B3GLCT: variants seen among roughly 807,000 people sequenced by gnomAD.
B3GLCT encodes the protein beta-1,3-glucosyltransferase.
Under a neutral mutation model 63.4 loss-of-function variants are expected in B3GLCT, and 65 were observed. That is an observed-to-expected ratio of 1.03 (90% CI 0.84 to 1.26). The LOEUF (loss-of-function observed/expected upper bound fraction) is 1.26. B3GLCT is among the 50% of genes most tolerant of loss of function. B3GLCT has a pLI of 0.00. For synonymous variants in B3GLCT, 233 were observed against 219.2 expected (o/e 1.06, Z -0.55); for missense variants, 577 against 604.8 (o/e 0.95, Z 0.48).
intron 14 of B3GLCT, among the ~76,000 whole-genome samples, chr13:31,324,177 CTT>C (rs1382742863): frequency 1.3e-5 from 2 of 152,116 alleles, no homozygotes; most frequent in African/African-American, 4.8e-5. Flanking sequence ...TTTGGTTTAT[CTT>C]TTTAGTTAAA....
At chr13:31,229,369 C>T (rs1870259604) in intron 4 of B3GLCT, 75 bp downstream of exon 4, 1 of 892,048 alleles carries the variant, frequency 1.1e-6, no homozygotes, top group Non-Finnish European at 1.9e-6. Flanking sequence ...AACACTGGAT[C>T]CGTGGAGAAT....
chr13:31,266,523 AC>A (rs1170374250), intron 7 of B3GLCT, among the ~76,000 whole-genome samples: 1 of 152,192 alleles, frequency 6.6e-6, no homozygotes, highest in Non-Finnish European at 1.5e-5. Context: ...AAATCCAGTT[AC>A]CACTATTAGG....
chr13:31,245,010 G>T (rs1164070658), intron 4 of B3GLCT, among the ~76,000 whole-genome samples: 1 of 152,022 alleles, frequency 6.6e-6, no homozygotes, highest in Non-Finnish European at 1.5e-5. Context: ...GACTGATCTT[G>T]TGTTCACAAA....
In B3GLCT at chr13:31,323,804, G is replaced by A. The variant is rs1440081950; in HGVS notation, c.1238G>A (p.Cys413Tyr). 1 of 1,614,146 alleles carries A rather than the reference G, an allele frequency of 6.2e-7. No homozygotes were observed. The highest frequency in any genetic ancestry group is 8.5e-7 in the Non-Finnish European group (1 of 1,180,000). Residue 413 changes from cysteine (C) to tyrosine (Y), a missense_variant, in exon 14 of 15, where the codon TGC becomes TAC. Coordinates refer to ENST00000343307, the MANE Select transcript of B3GLCT (RefSeq NM_194318.4). ...VRRLLASKCR[C>Y]YSNDAPDDMV... ...AGACTTCTCGCCAGTAAATGTCGAT[G>A]CTACAGCAATGATGCTCCCGATGAT...
intron 3 of B3GLCT, among the ~76,000 whole-genome samples, chr13:31,223,266 A>T (rs1266285044): frequency 1.3e-5 from 2 of 152,182 alleles, no homozygotes; most frequent in African/African-American, 2.4e-5. Flanking sequence ...TCCAGTAAGG[A>T]TAAAGCACCA....
chr13:31,269,590 A>T (rs1415683542), intron 8 of B3GLCT, among the ~76,000 whole-genome samples: 2 of 152,026 alleles, frequency 1.3e-5, no homozygotes, highest in African/African-American at 4.8e-5. Flanking sequence ...CTCTGCTCTT[A>T]CTTGATGCTT....
At chr13:31,327,120 G>C (rs1475272045) in intron 14 of B3GLCT, among the ~76,000 whole-genome samples, 1 of 152,120 alleles carries the variant, frequency 6.6e-6, no homozygotes, top group African/African-American at 2.4e-5. Flanking sequence ...TGAACCCTAC[G>C]TATACTATGT....
At chr13:31,269,176 T>C in intron 7 of B3GLCT, 38 bp from the exon 8 acceptor site, 1 of 1,444,670 alleles carries the variant, frequency 6.9e-7, no homozygotes, top group Non-Finnish European at 9.7e-7. Context: ...TTGACACTTC[T>C]TTTGGTTAAA....
Position 31,199,994 on chromosome 13 carries a change from C to A in B3GLCT, c.-91C>A. On this transcript the variant is annotated 5_prime_UTR_variant, in exon 1 of 15. Transcript: ENST00000343307. ...GCCGGCAGAGAAGGGTCAGCCGCGG[C>A]GGCAGGGCGGCGGCGGCAGCGGCGC... The A allele has an allele frequency of 1.3e-6, 1 of 740,922 alleles. No homozygotes were observed. Among genetic ancestry groups the A allele is most frequent in the Non-Finnish European group, 1.8e-6 (1 of 561,182 alleles). 45.9% of individuals were successfully genotyped at this position (740,922 alleles called of 1,614,324 possible). A position where few individuals can be genotyped will look rare whatever the true frequency, so the allele number is the denominator to read the frequency against.
chr13:31,317,433 A>T, intron 12 of B3GLCT, 133 bp from the exon 13 acceptor site: 1 of 1,031,948 alleles, frequency 9.7e-7, no homozygotes, highest in Non-Finnish European at 1.5e-6. Flanking sequence ...TTTATAAGTC[A>T]CTCAAATTTC....
intron 6 of B3GLCT, among the ~76,000 whole-genome samples, chr13:31,255,037 C>CAA (rs59957215): frequency 0.028 from 3,709 of 130,598 alleles, 66 homozygotes; most frequent in Non-Finnish European, 0.036. Context: ...GACGCTGTCT[C>CAA]AAAAAAAAAA....
chr13:31,281,306 G>T (rs1420800858), intron 10 of B3GLCT, among the ~76,000 whole-genome samples: 1 of 152,058 alleles, frequency 6.6e-6, no homozygotes, highest in Non-Finnish European at 1.5e-5. Context: ...AAACCTGTTT[G>T]CTGTCTTTAC....
chr13:31,287,515 A>C (rs956675148), intron 12 of B3GLCT, among the ~76,000 whole-genome samples: 31 of 152,180 alleles, frequency 2.0e-4, no homozygotes, highest in Non-Finnish European at 1.5e-5. Flanking sequence ...AGAAAATGAA[A>C]CTGTTTCCAA....
At chr13:31,323,276 C>T (rs904152008) in intron 13 of B3GLCT, among the ~76,000 whole-genome samples, 11 of 152,290 alleles carry the variant, frequency 7.2e-5, no homozygotes, top group South Asian at 2.1e-4. Context: ...TTTGTAAAGG[C>T]GACTTTGTTC....
At chr13:31,322,750 A>G (rs1875394583) in intron 13 of B3GLCT, among the ~76,000 whole-genome samples, 1 of 152,038 alleles carries the variant, frequency 6.6e-6, no homozygotes, top group Admixed American at 6.6e-5. Flanking sequence ...AGTCTTTCTC[A>G]TTTTTTCTCA....
chr13:31,215,136 C>G (rs1047082176), intron 2 of B3GLCT, 36 bp downstream of exon 2: 2 of 1,572,842 alleles, frequency 1.3e-6, no homozygotes, highest in East Asian at 2.2e-5. Flanking sequence ...TTCCTCCCTT[C>G]TAAGATTCAT....
At chr13:31,239,710 C>CCT (rs1415776240) in intron 4 of B3GLCT, among the ~76,000 whole-genome samples, 33 of 147,542 alleles carry the variant, frequency 2.2e-4, no homozygotes, top group African/African-American at 8.0e-4. Context: ...CCTTCTAGAA[C>CCT]CTGGGGTCTA....
intron 7 of B3GLCT, among the ~76,000 whole-genome samples, chr13:31,261,377 T>G (rs28506177): frequency 6.6e-6 from 1 of 152,192 alleles, no homozygotes; most frequent in Admixed American, 6.5e-5. Flanking sequence ...ACCATGCACA[T>G]GGGAGCATCA....
intron 12 of B3GLCT, among the ~76,000 whole-genome samples, chr13:31,289,866 G>T (rs1049285766): frequency 2.1e-5 from 3 of 145,594 alleles, no homozygotes; most frequent in African/African-American, 7.5e-5. Context: ...AACATTGGTA[G>T]TTTTTTTTTT....
Sources: gnomAD v4.1 joint callset for allele counts (sites outside exome capture counted in the v4.1 genomes callset) on GRCh38, gnomAD v4.1.1 for gene constraint, MANE v1.5 for transcripts, NCBI Gene and HGNC (gene_info 2026-07-23, HGNC 2026-07-21) for gene names.